Variants in HSPG2 observed in about 807,000 individuals in gnomAD.
HSPG2 encodes basement membrane-specific heparan sulfate proteoglycan core protein.
Under a neutral mutation model 526.6 loss-of-function variants are expected in HSPG2, and 278 were observed. That is an observed-to-expected ratio of 0.53 (90% CI 0.48 to 0.58). The LOEUF (loss-of-function observed/expected upper bound fraction) is 0.58, where lower values mean the gene tolerates loss of function less well. HSPG2 is among the 20% of genes least tolerant of loss of function. The pLI is 0.00. For synonymous variants in HSPG2, 2,465 were observed against 2,555.4 expected (o/e 0.96, Z 1.07); for missense variants, 5,354 against 6,099.5 (o/e 0.88, Z 4.07).
At chr1:21,881,262 G>A in intron 14 of HSPG2, 77 bp downstream of exon 14, 1 of 1,538,600 alleles carries the variant, frequency 6.5e-7, no homozygotes, top group Non-Finnish European at 9.0e-7. Flanking sequence ...AGTCTGCCTT[G>A]TTGTCCACCA....
rs955108682 is a variant in HSPG2 at position 21,890,681 on chromosome 1, G to A, written c.258C>T (p.Ala86=). 3.7e-6 allele frequency: 6 copies of A among 1,613,324 alleles called. No individual in the cohort carries two copies. The highest frequency in any genetic ancestry group is 1.7e-5 in the Admixed American group (1 of 59,990). Residue 86 remains alanine (A), a synonymous_variant, in exon 4 of 97, where the codon GCC becomes GCT. Transcript: ENST00000374695. The surrounding 1 kb of genome is among the most constrained non-coding windows in gnomAD (Gnocchi z 4.1). The stretch of plus-strand genomic sequence containing the variant: ...CGATGGAGCGAGTGAAATTCACCAG[G>A]GCTCGGAAATAAACTGGAAAATCGA... The part of the protein sequence containing the change: ...SGDFQMVYFR[A]LVNFTRSIEY...
chr1:21,912,959 G>A (rs1462697816), intron 1 of HSPG2, among the ~76,000 whole-genome samples: 5 of 150,008 alleles, frequency 3.3e-5, no homozygotes, highest in Non-Finnish European at 5.9e-5. Context: ...CAGCCTGGGC[G>A]AAAGAGTGAG....
chr1:21,853,610 T>G, intron 50 of HSPG2: 1 of 170,704 alleles, frequency 5.9e-6, no homozygotes. Flanking sequence ...GCCGGCCTGG[T>G]GGCGGGTGTG....
intron 1 of HSPG2, among the ~76,000 whole-genome samples, chr1:21,929,582 G>GTT (rs35937490): frequency 0.12 from 14,992 of 124,972 alleles, 870 homozygotes; most frequent in East Asian, 0.2. Flanking sequence ...CCACCTGCCG[G>GTT]TTTTTTTTTT....
Position 21,890,799 on chromosome 1 carries a change from C to T in HSPG2, c.245-105G>A. The T allele has an allele frequency of 1.2e-6, 1 of 823,220 alleles. No homozygotes were observed. The highest frequency in any genetic ancestry group is 1.4e-5 in the South Asian group (1 of 71,378). 51.0% of individuals were successfully genotyped at this position (823,220 alleles called of 1,614,324 possible). Reference sequence around the variant, plus strand: ...AGTTGGGGGGATGGCCCCCAGAGGCCTCCCTCGAGGCTGACACCTGTGTGC... The same window carrying T: ...AGTTGGGGGGATGGCCCCCAGAGGCTTCCCTCGAGGCTGACACCTGTGTGC... On this transcript the variant is annotated intron_variant, in intron 3 of 96. Coordinates refer to ENST00000374695, the MANE Select transcript of HSPG2 (RefSeq NM_005529.7). The surrounding 1 kb of genome is among the most constrained non-coding windows in gnomAD (Gnocchi z 4.1).
Position 21,847,850 on chromosome 1 carries a change from G to A in HSPG2, c.7874-10C>T. The stretch of plus-strand genomic sequence containing the variant: ...GGGGAGACGCTGGGCACTGGGGACA[G>A]ACGGGTGTGGACCACGCAGCCAGAG... On this transcript the variant is annotated splice_polypyrimidine_tract_variant and intron_variant, in intron 60 of 96. Transcript: ENST00000374695. This position sits in a 1 kb window ranked among gnomAD's most constrained non-coding sequence, Gnocchi z 4.1. 3.7e-6 allele frequency: 6 copies of A among 1,613,936 alleles called. No individual in the cohort carries two copies. The highest frequency in any genetic ancestry group is 5.1e-6 in the Non-Finnish European group (6 of 1,180,020).
rs2270701 is a variant in HSPG2 at position 21,831,627 on chromosome 1, G to T, written c.11352+25C>A. On this transcript the variant is annotated intron_variant, in intron 82 of 96. Coordinates refer to ENST00000374695, the MANE Select transcript of HSPG2 (RefSeq NM_005529.7). ...GGCAAGGGCGGGATGAGGGCTGGAA[G>T]TAGCAGTATGGGGTTGGGTCTCACC... is the stretch of plus-strand genomic sequence containing the variant. 0.18 allele frequency: 292,069 copies of T among 1,610,728 alleles called. 28,194 individuals carry two copies. The highest frequency in any genetic ancestry group is 0.28 in the South Asian group (25,714 of 90,720).
rs755573009 is a variant in HSPG2, at chr1:21,846,519, C to T, written c.8245G>A (p.Val2749Met). The T allele has an allele frequency of 1.7e-5, 27 of 1,613,630 alleles. No individual in the cohort carries two copies. Among genetic ancestry groups the T allele is most frequent in the Middle Eastern group, 1.6e-4 (1 of 6,084 alleles). Residue 2749 changes from valine (V) to methionine (M), a missense_variant, in exon 63 of 97, where the codon GTG (valine) becomes ATG (methionine). Transcript: ENST00000374695. ...TGGGCATGGGCCTGCCCGGGGACCACGCAGTTCAGATCCAGGGTCTCCCCT... is the reference window on the plus strand; with the variant it reads ...TGGGCATGGGCCTGCCCGGGGACCATGCAGTTCAGATCCAGGGTCTCCCCT... ...AEGETLDLNCVVPGQAHAQVT... is the reference protein window; with the variant it reads ...AEGETLDLNCMVPGQAHAQVT...
At position 21,824,583 on chromosome 1, in the gene HSPG2, T is replaced by C; in HGVS notation, c.12698A>G (p.Glu4233Gly). The stretch of plus-strand genomic sequence containing the variant: ...GCCACTGGCTGTGCTGGTCCGAACC[T>C]CCAGCTCGATGGTCTCGGGCACCTC... Reference protein sequence around the residue: ...LPEVPETIELEVRTSTASGLL... With the variant: ...LPEVPETIELGVRTSTASGLL... The change falls in exon 93 of 97, where the codon GAG becomes GGG. Residue 4233 changes from glutamate to glycine, a missense_variant. By Grantham distance (98) the Glu-to-Gly change is moderately conservative. Transcript: ENST00000374695. This position sits in a 1 kb window ranked among gnomAD's most constrained non-coding sequence, Gnocchi z 5.9. 6.2e-7 allele frequency: 1 copy of C among 1,613,748 alleles called. No individual in the cohort carries two copies. The highest frequency in any genetic ancestry group is 1.3e-5 in the African/African-American group (1 of 74,948).
Position 21,924,924 on chromosome 1 carries a change from CCAAT to C in HSPG2, c.63+12227_63+12230del, listed in dbSNP as rs796914474. Among the ~76,000 whole-genome samples the C allele has an allele frequency of 8.5e-5, 13 of 152,206 alleles. No individual in the cohort carries two copies. In the South Asian group the frequency reaches 1.2e-3, roughly 15 times the overall value. ...GAAAGTCTTTCCAGATAACTCATGCCCAATCAGTCTTTTCCTTCCCCTGACACTC... is the reference window on the plus strand; with the variant it reads ...GAAAGTCTTTCCAGATAACTCATGCCCAGTCTTTTCCTTCCCCTGACACTC... On this transcript the variant is annotated intron_variant, in intron 1 of 96. Coordinates refer to ENST00000374695, the MANE Select transcript of HSPG2 (RefSeq NM_005529.7).
At chr1:21,879,203 C>A in intron 17 of HSPG2, 82 bp from the exon 18 acceptor site, 5 of 1,530,064 alleles carry the variant, frequency 3.3e-6, no homozygotes, top group Non-Finnish European at 4.5e-6. Context: ...GGCTGTCTAG[C>A]TCAGCCTCCC....
rs138049720 is a variant in HSPG2, at chr1:21,834,722, G to C, written c.10677C>G (p.Asn3559Lys). The C allele has an allele frequency of 7.4e-6, 12 of 1,614,056 alleles. No individual in the cohort carries two copies. The highest frequency in any genetic ancestry group is 1.0e-5 in the Non-Finnish European group (12 of 1,180,050). ...CGTGGGATTGTGTGGTGCCAGCTGC[G>C]TTGGTGGCAGTGCAGCGATACTGTC... ...DAGQYRCTAT[N>K]AAGTTQSHVL... The change falls in exon 77 of 97, where the codon AAC becomes AAG. Residue 3559 changes from asparagine to lysine, a missense_variant. Transcript: ENST00000374695.
chr1:21,863,449 A>G (rs569271392), intron 37 of HSPG2, among the ~76,000 whole-genome samples: 8 of 152,282 alleles, frequency 5.3e-5, no homozygotes, highest in African/African-American at 1.9e-4. Flanking sequence ...TTCTCCTCCA[A>G]AGAGATTCAC....
chr1:21,890,339 CG>C lies in HSPG2; in HGVS notation c.413+87del. On this transcript the variant is annotated intron_variant, in intron 5 of 96. Coordinates refer to ENST00000374695, the MANE Select transcript of HSPG2 (RefSeq NM_005529.7). The surrounding 1 kb of genome is among the most constrained non-coding windows in gnomAD (Gnocchi z 4.1). ...GCGACTCATCCCATAGGCCTTTCCG[CG>C]GTGCCAGGCTTCCTTCCCATCCTCA... 1.4e-6 allele frequency: 2 copies of C among 1,401,456 alleles called. No individual in the cohort carries two copies. The highest frequency in any genetic ancestry group is 2.0e-6 in the Non-Finnish European group (2 of 988,410). 86.8% of individuals were successfully genotyped at this position (1,401,456 alleles called of 1,614,324 possible).
At chr1:21,902,143 T>A (rs1643133560) in intron 1 of HSPG2, among the ~76,000 whole-genome samples, 1 of 152,182 alleles carries the variant, frequency 6.6e-6, no homozygotes, top group African/African-American at 2.4e-5. Flanking sequence ...TTGTACAAAC[T>A]GCCAGGGGCT....
chr1:21,855,572 G>T lies in HSPG2; in HGVS notation c.5805C>A (p.Ala1935=). Residue 1935 remains alanine (A), a synonymous_variant, in exon 46 of 97, where the codon GCC becomes GCA. Transcript: ENST00000374695. ...PTDQAQYLCR[A]HSSAGQQVAR... ...CCACCTGCTGCCCAGCGCTGCTGTG[G>T]GCTCGGCACAAGTACTGGGCCTGAT... The T allele has an allele frequency of 6.3e-7, 1 of 1,598,000 alleles. No homozygotes were observed.
chr1:21,884,559 C>A lies in HSPG2; in HGVS notation c.1623G>T (p.Arg541Ser), dbSNP rs765760046. ...QSTRRFRDQI[R>S]LRFDQPDDFK... ...AGTCATCGGGTTGGTCAAAGCGCAG[C>A]CTGATCTGGTCCCGGAAGCGGCGGG... Residue 541 changes from arginine to serine, a missense_variant, in exon 13 of 97, where the codon AGG (arginine) becomes AGT (serine). By Grantham distance (110) the Arg-to-Ser change is moderately radical (BLOSUM62 -1). Coordinates refer to ENST00000374695, the MANE Select transcript of HSPG2 (RefSeq NM_005529.7). 3 of 1,611,210 alleles carry A rather than the reference C, an allele frequency of 1.9e-6. No homozygotes were observed. The highest frequency in any genetic ancestry group is 1.3e-5 in the African/African-American group (1 of 74,850).
In HSPG2 at chr1:21,822,426, TCTCA is replaced by T; in HGVS notation, c.*886_*889del. On this transcript the variant is annotated 3_prime_UTR_variant, in exon 97 of 97. Transcript: ENST00000374695. ...GGTGGTCATATCCCCCTCCTCTCTC[TCTCA>T]GTCGTGAGTCCTGCCTTCCCCCACC... is the stretch of plus-strand genomic sequence containing the variant. 3.4e-6 allele frequency: 2 copies of T among 594,370 alleles called. No homozygotes were observed. The highest frequency in any genetic ancestry group is 3.9e-5 in the South Asian group (2 of 50,936). 36.8% of individuals were successfully genotyped at this position (594,370 alleles called of 1,614,324 possible).
chr1:21,893,217 G>C lies in HSPG2; in HGVS notation c.245-2523C>G, dbSNP rs188718314. 8.5e-5 allele frequency among the ~76,000 whole-genome samples: 13 copies of C among 152,344 alleles called. No individual in the cohort carries two copies. ...CTGTGGGTCCCTCGGGTGGGCCCAGGATTGGCCTGTGCTGGGGTGGACACA... is the reference window on the plus strand; with the variant it reads ...CTGTGGGTCCCTCGGGTGGGCCCAGCATTGGCCTGTGCTGGGGTGGACACA... On this transcript the variant is annotated intron_variant, in intron 3 of 96. Coordinates refer to ENST00000374695, the MANE Select transcript of HSPG2 (RefSeq NM_005529.7). The surrounding 1 kb of genome is among the most constrained non-coding windows in gnomAD (Gnocchi z 4.3).
Sources: gnomAD v4.1 joint callset for allele counts (sites outside exome capture counted in the v4.1 genomes callset) on GRCh38, gnomAD v4.1.1 for gene constraint, Gnocchi (gnomAD v3.1) non-coding constraint, MANE v1.5 for transcripts, NCBI Gene and HGNC (gene_info 2026-07-23, HGNC 2026-07-21) for gene names.